Variants in PRKDC observed in about 807,000 individuals in gnomAD.
PRKDC encodes the protein DNA-dependent protein kinase catalytic subunit.
Under a neutral mutation model 486.9 loss-of-function variants are expected in PRKDC, and 82 were observed. The observed-to-expected ratio is 0.17, with a 90% CI of 0.14 to 0.20. The LOEUF (loss-of-function observed/expected upper bound fraction) is 0.20, where lower values mean the gene tolerates loss of function less well. Among genes scored for constraint, PRKDC ranks in the 10% least tolerant of loss-of-function variants. The pLI, the probability that PRKDC is intolerant of heterozygous loss-of-function variation, is 1.00. For missense variants in PRKDC, 4,504 were observed against 5,038.2 expected (o/e 0.89, Z 3.21); for synonymous variants, 1,895 against 1,837.0 (o/e 1.03, Z -0.81).
chr8:47,865,796 C>A (rs1037230084), intron 40 of PRKDC, among the ~76,000 whole-genome samples: 1 of 151,940 alleles, frequency 6.6e-6, no homozygotes, highest in African/African-American at 2.4e-5. Flanking sequence ...TATGTTGAAA[C>A]CCTGATCCCC....
intron 40 of PRKDC, among the ~76,000 whole-genome samples, chr8:47,871,221 T>G (rs1439149238): frequency 6.6e-6 from 1 of 152,080 alleles, no homozygotes; most frequent in East Asian, 1.9e-4. Context: ...ATAGCAATAT[T>G]CAAGTATAAG....
intron 23 of PRKDC, among the ~76,000 whole-genome samples, 180 bp from the exon 24 acceptor site, chr8:47,914,244 C>T (rs544812128): frequency 4.6e-5 from 7 of 152,102 alleles, no homozygotes; most frequent in African/African-American, 9.6e-5. Context: ...AGAAATCACT[C>T]GATTTAATTT....
chr8:47,837,010 G>A (rs2088039849), intron 57 of PRKDC, among the ~76,000 whole-genome samples: 1 of 152,224 alleles, frequency 6.6e-6, no homozygotes. Context: ...TGGCGATCCT[G>A]ACAAGGGAAA....
chr8:47,907,322 G>A (rs1293795655), intron 25 of PRKDC, among the ~76,000 whole-genome samples: 1 of 147,582 alleles, frequency 6.8e-6, no homozygotes, highest in Non-Finnish European at 1.5e-5. Flanking sequence ...TTACAGGCGT[G>A]AGCCACCGCG....
chr8:47,851,636 G>A (rs759172628), intron 52 of PRKDC, among the ~76,000 whole-genome samples: 4 of 152,178 alleles, frequency 2.6e-5, no homozygotes, highest in Non-Finnish European at 5.9e-5. Context: ...CTGAGCTGGG[G>A]TTGCAAACTG....
intron 3 of PRKDC, among the ~76,000 whole-genome samples, chr8:47,956,305 T>C (rs2090699042): frequency 6.6e-6 from 1 of 152,100 alleles, no homozygotes; most frequent in South Asian, 2.1e-4. Flanking sequence ...GAGGTTGCAG[T>C]GAGCCAAGAC....
At chr8:47,857,636 C>T (rs1449166855) in intron 48 of PRKDC, among the ~76,000 whole-genome samples, 1 of 152,122 alleles carries the variant, frequency 6.6e-6, no homozygotes, top group Non-Finnish European at 1.5e-5. Context: ...CTCGAAGGAA[C>T]CAACCCTGCC....
At chr8:47,941,757 T>C (rs866165231) in intron 10 of PRKDC, among the ~76,000 whole-genome samples, 1 of 152,234 alleles carries the variant, frequency 6.6e-6, no homozygotes, top group Non-Finnish European at 1.5e-5. Flanking sequence ...GAGGGCAGCA[T>C]TGAGGATAGT....
intron 61 of PRKDC, among the ~76,000 whole-genome samples, chr8:47,830,052 A>C (rs1240193306): frequency 1.3e-5 from 2 of 152,188 alleles, no homozygotes; most frequent in Admixed American, 1.3e-4. Context: ...AGTAACCAAA[A>C]AGCATGGTAC....
At chr8:47,869,218 C>A (rs1487739637) in intron 40 of PRKDC, among the ~76,000 whole-genome samples, 1 of 151,850 alleles carries the variant, frequency 6.6e-6, no homozygotes, top group Non-Finnish European at 1.5e-5. Flanking sequence ...TTGGCCATGC[C>A]TCCCCAAACC....
At chr8:47,862,608 G>T in intron 42 of PRKDC, 67 bp from the exon 43 acceptor site, 1 of 1,453,742 alleles carries the variant, frequency 6.9e-7, no homozygotes, top group African/African-American at 1.4e-5. Context: ...GCCCAACAAT[G>T]CCAGACAACA....
intron 40 of PRKDC, among the ~76,000 whole-genome samples, chr8:47,876,652 C>T (rs895131147): frequency 1.3e-5 from 2 of 150,586 alleles, no homozygotes; most frequent in African/African-American, 4.9e-5. Context: ...CAGAGCCAGA[C>T]TCTGTCTCAA....
At position 47,887,648 on chromosome 8, in the gene PRKDC, T is replaced by C. The variant is rs766681945; in HGVS notation, c.4471A>G (p.Ile1491Val). Residue 1491 changes from isoleucine (I) to valine (V), a missense_variant, in exon 35 of 86, where the codon ATT becomes GTT. Physicochemically the swap from Ile to Val is conservative, Grantham distance 29. This residue lies in a region of PRKDC where 1,969 missense variants were observed against 2,068.9 expected (regional missense o/e 0.95). Coordinates refer to ENST00000314191, the MANE Select transcript of PRKDC (RefSeq NM_006904.7). ...CACTGTCTCTCATCTCCAGGGGCAA[T>C]GCCTTTATAAACCAGGGAAAGAAGT... ...TELLSLVYKGIAPGDERQCLP... is the reference protein window; with the variant it reads ...TELLSLVYKGVAPGDERQCLP... 1.9e-6 allele frequency: 3 copies of C among 1,609,072 alleles called. No individual in the cohort carries two copies. Among genetic ancestry groups the C allele is most frequent in the African/African-American group, 2.7e-5 (2 of 74,966 alleles).
chr8:47,888,588 A>G lies in PRKDC; in HGVS notation c.4343T>C (p.Leu1448Pro). The change falls in exon 34 of 86, where the codon CTG (leucine) becomes CCG (proline). Residue 1448 changes from leucine to proline, a missense_variant. By Grantham distance (98) the Leu-to-Pro change is moderately conservative. Around this residue, in one of 6 missense-constraint regions of PRKDC, gnomAD observed 1,969 missense variants for 2,068.9 expected, o/e 0.95. Transcript: ENST00000314191. ...GPDAQVDRSR[L>P]AAVVSACKQL... ...TTTACAGGCAGACACAACAGCAGCC[A>G]GCCTGCTCCTGTCCACTTGCGCGTC... 1.3e-6 allele frequency: 2 copies of G among 1,591,152 alleles called. No individual in the cohort carries two copies. Among genetic ancestry groups the G allele is most frequent in the Non-Finnish European group, 1.7e-6 (2 of 1,168,246 alleles).
In PRKDC at chr8:47,893,386, G is replaced by A; in HGVS notation, c.3600C>T (p.Gly1200=). 4.0e-6 allele frequency: 6 copies of A among 1,502,572 alleles called. No homozygotes were observed. Among genetic ancestry groups the A allele is most frequent in the Non-Finnish European group, 5.4e-6 (6 of 1,120,318 alleles). 93.1% of individuals were successfully genotyped at this position (1,502,572 alleles called of 1,614,324 possible). The change falls in exon 31 of 86, where the codon GGC becomes GGT. Residue 1200 remains glycine, a splice_region_variant and synonymous_variant. Coordinates refer to ENST00000314191, the MANE Select transcript of PRKDC (RefSeq NM_006904.7). The part of the protein sequence containing the change: ...LFYKFVPLLP[G]NRSPNLWLKD... ...TCAGCCACAAATTAGGGGATCTGTT[G>A]CCTTTAAAAAGAAACAAAATTAAAA...
intron 67 of PRKDC, among the ~76,000 whole-genome samples, chr8:47,818,437 G>A (rs559740272): frequency 3.5e-4 from 53 of 152,074 alleles, no homozygotes; most frequent in African/African-American, 1.2e-3. Context: ...AAATTAGCCA[G>A]GCATGGTGGC....
At chr8:47,830,569 A>C in intron 61 of PRKDC, 36 bp downstream of exon 61, 1 of 1,606,216 alleles carries the variant, frequency 6.2e-7, no homozygotes, top group Non-Finnish European at 8.5e-7. Context: ...AACAGATTTT[A>C]ACCTGTCAAC....
intron 85 of PRKDC, among the ~76,000 whole-genome samples, chr8:47,775,688 G>A (rs1186456178): frequency 6.6e-6 from 1 of 151,992 alleles, no homozygotes; most frequent in African/African-American, 2.4e-5. Flanking sequence ...ATAGCACTCT[G>A]TGAAGCACAA....
chr8:47,820,653 A>G, intron 66 of PRKDC, 66 bp downstream of exon 66: 1 of 897,670 alleles, frequency 1.1e-6, no homozygotes, highest in Non-Finnish European at 1.5e-6. Flanking sequence ...TTTCAGATAG[A>G]TCCACATTAT....
Sources: allele counts gnomAD v4.1 joint callset (sites outside exome capture counted in the v4.1 genomes callset), GRCh38; gene constraint gnomAD v4.1.1; regional missense constraint gnomAD v4.1.1; transcripts MANE v1.5; gene names NCBI Gene and HGNC (gene_info 2026-07-23, HGNC 2026-07-21).